MGMT: variants seen among roughly 807,000 people sequenced by gnomAD.
The protein encoded by MGMT is O-6-methylguanine-DNA methyltransferase, also known as methylated-DNA--protein-cysteine methyltransferase.
MGMT carries 14 observed loss-of-function variants against 15.9 expected under a neutral mutation model. That is an observed-to-expected ratio of 0.88 (90% confidence interval 0.58 to 1.37). The LOEUF (loss-of-function observed/expected upper bound fraction) is 1.37. Among genes scored for constraint, MGMT ranks in the 40% most tolerant of loss-of-function variants. The pLI is 0.00. For missense variants in MGMT, 282 were observed against 268.1 expected (o/e 1.05, Z -0.36); for synonymous variants, 130 against 118.2 (o/e 1.10, Z -0.65).
chr10:129,689,912 A>C (rs1453597894), intron 2 of MGMT, among the ~76,000 whole-genome samples: 1 of 152,214 alleles, frequency 6.6e-6, no homozygotes, highest in African/African-American at 2.4e-5. Flanking sequence ...GTAATACTGG[A>C]ATTAACTGAG....
At chr10:129,522,414 C>T (rs892978305) in intron 1 of MGMT, among the ~76,000 whole-genome samples, 6 of 152,158 alleles carry the variant, frequency 3.9e-5, no homozygotes, top group East Asian at 1.9e-4. Flanking sequence ...GACTCCTGGA[C>T]GGTTGCCGGA....
At position 129,768,083 on chromosome 10, in the gene MGMT, C is replaced by G. The variant is rs1848959534; in HGVS notation, c.*1086C>G. 6.6e-6 allele frequency: 1 copy of G among 152,234 alleles called. No homozygotes were observed. Among genetic ancestry groups the G allele is most frequent in the Non-Finnish European group, 1.5e-5 (1 of 68,044 alleles). 9.4% of individuals were successfully genotyped at this position (152,234 alleles called of 1,614,324 possible). On this transcript the variant is annotated 3_prime_UTR_variant, in exon 5 of 5. Coordinates refer to ENST00000651593, the MANE Select transcript of MGMT (RefSeq NM_002412.5). ...TGTGCACTAGAGCGCCATGTTCTTACCCAGCATTCCTTGCCACGGTGTGAA... is the reference window on the plus strand; with the variant it reads ...TGTGCACTAGAGCGCCATGTTCTTAGCCAGCATTCCTTGCCACGGTGTGAA...
chr10:129,584,520 G>A (rs1374718982), intron 2 of MGMT, among the ~76,000 whole-genome samples: 3 of 151,738 alleles, frequency 2.0e-5, no homozygotes, highest in Non-Finnish European at 1.5e-5. Context: ...ACAGCATGCT[G>A]GGTTTTCATG....
Position 129,766,983 on chromosome 10 carries a change from G to C in MGMT, c.610G>C (p.Ala204Pro). Residue 204 changes from alanine (A) to proline (P), a missense_variant, in exon 5 of 5, where the codon GCT becomes CCT. Transcript: ENST00000651593. ...GAGATSGSPP[A>P]GRN The stretch of plus-strand genomic sequence containing the variant: ...GGGAGCTACCTCGGGCTCCCCGCCT[G>C]CTGGCCGAAACTGAGTATGTGCAGT... 6.2e-7 allele frequency: 1 copy of C among 1,601,846 alleles called. No homozygotes were observed. The highest frequency in any genetic ancestry group is 8.5e-7 in the Non-Finnish European group (1 of 1,174,124).
chr10:129,692,556 A>G (rs906426783), intron 2 of MGMT, among the ~76,000 whole-genome samples: 1 of 152,218 alleles, frequency 6.6e-6, no homozygotes, highest in Non-Finnish European at 1.5e-5. Flanking sequence ...GGACACCTTG[A>G]AAATCCCATG....
At chr10:129,722,431 G>A (rs1023282997) in intron 3 of MGMT, among the ~76,000 whole-genome samples, 5 of 151,978 alleles carry the variant, frequency 3.3e-5, no homozygotes, top group Admixed American at 6.6e-5. Flanking sequence ...GCGGTGTTAC[G>A]GAGAGGTCAC....
chr10:129,670,813 G>A (rs111395258), intron 2 of MGMT, among the ~76,000 whole-genome samples: 1,756 of 152,292 alleles, frequency 0.012, 34 homozygotes, highest in African/African-American at 0.038. Context: ...TAACTTAGTT[G>A]CTGTGGTGCC....
chr10:129,469,974 A>G (rs1220364211), intron 1 of MGMT, among the ~76,000 whole-genome samples: 1 of 152,134 alleles, frequency 6.6e-6, no homozygotes, highest in African/African-American at 2.4e-5. Flanking sequence ...GGCCTCCCAA[A>G]GTGCTGGAAT....
intron 4 of MGMT, among the ~76,000 whole-genome samples, chr10:129,761,342 C>T (rs1372276583): frequency 3.3e-5 from 5 of 152,190 alleles, no homozygotes; most frequent in African/African-American, 4.8e-5. Flanking sequence ...CGTCAGCGGG[C>T]GCCGACTGCT....
At chr10:129,662,667 TCAGCACATGTGAG>T (rs1288607877) in intron 2 of MGMT, among the ~76,000 whole-genome samples, 2 of 151,988 alleles carry the variant, frequency 1.3e-5, no homozygotes, top group Non-Finnish European at 2.9e-5. Context: ...AGCCCGTAGC[TCAGCACATGTGAG>T]CAGCACATGT....
At chr10:129,621,152 G>A (rs1368424523) in intron 2 of MGMT, among the ~76,000 whole-genome samples, 2 of 152,094 alleles carry the variant, frequency 1.3e-5, no homozygotes, top group Non-Finnish European at 2.9e-5. Flanking sequence ...ATAGCCACTT[G>A]GGGATACCTG....
chr10:129,521,456 C>G (rs1845809502), intron 1 of MGMT, among the ~76,000 whole-genome samples: 1 of 152,184 alleles, frequency 6.6e-6, no homozygotes, highest in Non-Finnish European at 1.5e-5. Context: ...GAAGGGACTT[C>G]AGTGACCTCA....
At chr10:129,567,560 A>G (rs1236702642) in intron 2 of MGMT, among the ~76,000 whole-genome samples, 2 of 152,166 alleles carry the variant, frequency 1.3e-5, no homozygotes, top group Non-Finnish European at 2.9e-5. Flanking sequence ...GTCCCTGGCC[A>G]GGAGGCAGGG....
intron 2 of MGMT, among the ~76,000 whole-genome samples, chr10:129,666,363 A>C (rs1370737584): frequency 2.0e-5 from 3 of 152,162 alleles, no homozygotes; most frequent in Admixed American, 2.0e-4. Flanking sequence ...ATTTCTGTTA[A>C]TTTTGAGAAA....
Position 129,566,132 on chromosome 10 carries a change from A to G in MGMT, c.125+29755A>G, listed in dbSNP as rs927659140. ...AGCTCTCCAGGGCTGGGGACTTGCTAGAGCAGGGTTCCCAGTGCCCCCAGG... is the reference window on the plus strand; with the variant it reads ...AGCTCTCCAGGGCTGGGGACTTGCTGGAGCAGGGTTCCCAGTGCCCCCAGG... On this transcript the variant is annotated intron_variant, in intron 2 of 4. Coordinates refer to ENST00000651593, the MANE Select transcript of MGMT (RefSeq NM_002412.5). The surrounding 1 kb of genome is among the most constrained non-coding windows in gnomAD (Gnocchi z 4.1). 2.0e-5 allele frequency among the ~76,000 whole-genome samples: 3 copies of G among 152,126 alleles called. No individual in the cohort carries two copies. Among genetic ancestry groups the G allele is most frequent in the African/African-American group, 7.2e-5 (3 of 41,444 alleles).
chr10:129,632,717 G>A (rs1847224728), intron 2 of MGMT, among the ~76,000 whole-genome samples: 1 of 152,138 alleles, frequency 6.6e-6, no homozygotes, highest in African/African-American at 2.4e-5. Flanking sequence ...GAGAGAGGGA[G>A]GGTTGTGGAC....
chr10:129,480,809 A>G (rs1265858747), intron 1 of MGMT, among the ~76,000 whole-genome samples: 2 of 152,228 alleles, frequency 1.3e-5, no homozygotes, highest in African/African-American at 2.4e-5. Context: ...CATTTTTGAG[A>G]AAACATCCGC....
intron 2 of MGMT, among the ~76,000 whole-genome samples, chr10:129,551,742 C>G (rs565992260): frequency 9.2e-5 from 14 of 152,122 alleles, no homozygotes; most frequent in South Asian, 8.3e-4. Context: ...TGATCAAAAC[C>G]AAAATATCAA....
intron 1 of MGMT, among the ~76,000 whole-genome samples, chr10:129,483,452 G>A (rs1466955902): frequency 6.6e-6 from 1 of 151,934 alleles, no homozygotes; most frequent in African/African-American, 2.4e-5. Flanking sequence ...AGGTCTGCTG[G>A]TGTCTGAATT....
Sources: gnomAD v4.1 joint callset for allele counts (sites outside exome capture counted in the v4.1 genomes callset) on GRCh38, gnomAD v4.1.1 for gene constraint, Gnocchi (gnomAD v3.1) non-coding constraint, MANE v1.5 for transcripts, NCBI Gene and HGNC (gene_info 2026-07-23, HGNC 2026-07-21) for gene names.